Variants in SEMA3D observed in about 807,000 individuals in gnomAD.
SEMA3D encodes semaphorin 3D, also known as semaphorin-3D.
In SEMA3D, 84 loss-of-function variants were observed where a neutral mutation model predicts 100.1. That is an observed-to-expected ratio of 0.84 (90% CI 0.70 to 1.01). SEMA3D has a LOEUF of 1.01. SEMA3D is among the 50% of genes least tolerant of loss of function. The pLI, the probability that SEMA3D is intolerant of heterozygous loss-of-function variation, is 0.00. For missense variants in SEMA3D, 875 were observed against 934.1 expected (o/e 0.94, Z 0.82); for synonymous variants, 312 against 320.7 (o/e 0.97, Z 0.29).
At chr7:85,211,245 T>A in the SEMA3D span, among the ~76,000 whole-genome samples, 1 of 152,032 alleles carries the variant, frequency 6.6e-6, no homozygotes, top group Non-Finnish European at 1.5e-5. Flanking sequence ...TGAGACCCAA[T>A]TCTAAACATT....
chr7:85,079,511 A>C (rs1787993122), intron 5 of SEMA3D, among the ~76,000 whole-genome samples: 1 of 152,154 alleles, frequency 6.6e-6, no homozygotes, highest in Non-Finnish European at 1.5e-5. Context: ...CTATATACAG[A>C]ATCCTACATG....
the SEMA3D span, among the ~76,000 whole-genome samples, chr7:85,249,820 T>C: frequency 2.6e-5 from 4 of 152,148 alleles, no homozygotes; most frequent in Non-Finnish European, 5.9e-5. Flanking sequence ...TAGAAGTCTG[T>C]AGTAAGTTAT....
intron 3 of SEMA3D, among the ~76,000 whole-genome samples, chr7:85,103,522 GGTTAAACA>G (rs1788813718): frequency 6.6e-6 from 1 of 151,848 alleles, no homozygotes; most frequent in Non-Finnish European, 1.5e-5. Context: ...CTCTGTGCTT[GGTTAAACA>G]GCCCCACCCT....
chr7:85,065,639 A>G, intron 7 of SEMA3D, 87 bp from the exon 8 acceptor site: 1 of 969,964 alleles, frequency 1.0e-6, no homozygotes, highest in Non-Finnish European at 1.6e-6. Context: ...GCATGACACC[A>G]AAGATGTTTG....
At position 85,020,209 on chromosome 7, in the gene SEMA3D, C is replaced by T. The variant is rs773939434; in HGVS notation, c.1503+24G>A. 1.2e-5 allele frequency: 18 copies of T among 1,521,264 alleles called. No homozygotes were observed. In the East Asian group the frequency reaches 3.6e-4, roughly 31 times the overall value. 94.2% of individuals were successfully genotyped at this position (1,521,264 alleles called of 1,614,324 possible). A position where few individuals can be genotyped will look rare whatever the true frequency, so the allele number is the denominator to read the frequency against. On this transcript the variant is annotated intron_variant, in intron 14 of 18. Transcript: ENST00000284136. Reference sequence around the variant, plus strand: ...CTACTCAGTTTCAACATCTTTTCTCCTGGCACTCTGGACTGAGTCTTACCT... The same window carrying T: ...CTACTCAGTTTCAACATCTTTTCTCTTGGCACTCTGGACTGAGTCTTACCT...
intron 4 of SEMA3D, among the ~76,000 whole-genome samples, chr7:85,089,439 A>G (rs1314483126): frequency 3.0e-5 from 4 of 131,360 alleles, no homozygotes; most frequent in East Asian, 4.6e-4. Context: ...AATACTTCGC[A>G]ATAAGTGCTA....
intron 4 of SEMA3D, among the ~76,000 whole-genome samples, chr7:85,088,578 AAG>A (rs1788290627): frequency 1.3e-5 from 2 of 152,158 alleles, no homozygotes; most frequent in Admixed American, 1.3e-4. Context: ...GAACAACTAA[AAG>A]AGCAATGGTT....
At chr7:85,013,528 C>T (rs1184914457) in intron 16 of SEMA3D, among the ~76,000 whole-genome samples, 5 of 151,590 alleles carry the variant, frequency 3.3e-5, no homozygotes, top group Non-Finnish European at 5.9e-5. Flanking sequence ...AAAATCCCTG[C>T]TACATCTAAG....
intron 4 of SEMA3D, among the ~76,000 whole-genome samples, chr7:85,090,537 A>G (rs1004430359): frequency 4.6e-5 from 7 of 152,196 alleles, no homozygotes; most frequent in African/African-American, 7.2e-5. Context: ...TCAAGTATTA[A>G]ATAAGAATTA....
At chr7:85,103,393 G>A (rs951613811) in intron 3 of SEMA3D, among the ~76,000 whole-genome samples, 3 of 152,116 alleles carry the variant, frequency 2.0e-5, no homozygotes, top group Non-Finnish European at 2.9e-5. Context: ...TTGGGCATGC[G>A]ATTTTTGAGA....
rs564687208 is a variant in SEMA3D, at chr7:85,185,061, A to AAGAAGGAAAAGG, written c.-173+1605_-173+1616dup. ...TCCTCCTTGCTATCTGGCCTCAGAG[A>AAGAAGGAAAAGG]AGAAGGAAAAGGAGAAGGAAAAGGA... On this transcript the variant is annotated intron_variant, in intron 1 of 18. Transcript: ENST00000284136. Among the ~76,000 whole-genome samples the AAGAAGGAAAAGG allele has an allele frequency of 4.7e-3, 719 of 152,014 alleles. 5 individuals carry two copies. Among genetic ancestry groups the AAGAAGGAAAAGG allele is most frequent in the African/African-American group, 0.016 (652 of 41,402 alleles).
chr7:85,068,329 A>G, intron 6 of SEMA3D, 45 bp from the exon 7 acceptor site: 1 of 1,025,616 alleles, frequency 9.8e-7, no homozygotes. Flanking sequence ...TAAAAATATT[A>G]CAAACAGTAA....
intron 2 of SEMA3D, among the ~76,000 whole-genome samples, chr7:85,124,393 A>G (rs918728688): frequency 6.6e-6 from 1 of 152,094 alleles, no homozygotes; most frequent in African/African-American, 2.4e-5. Context: ...GTATTTGAAT[A>G]TATCTAACAT....
chr7:85,159,051 T>C (rs1184348524), intron 1 of SEMA3D, among the ~76,000 whole-genome samples: 1 of 152,172 alleles, frequency 6.6e-6, no homozygotes, highest in South Asian at 2.1e-4. Flanking sequence ...CAGCTACTGG[T>C]GGGACCCAAC....
intron 14 of SEMA3D, among the ~76,000 whole-genome samples, chr7:85,018,786 A>G (rs1159690536): frequency 6.6e-6 from 1 of 151,788 alleles, no homozygotes; most frequent in Non-Finnish European, 1.5e-5. Context: ...ACTGGTGCAC[A>G]TGATTTCACA....
intron 1 of SEMA3D, 68 bp from the exon 2 acceptor site, chr7:85,153,807 T>C (rs1392758892): frequency 1.3e-5 from 2 of 152,134 alleles, no homozygotes; most frequent in African/African-American, 4.8e-5. Context: ...ACCAGGAAAG[T>C]CAGATGTTTC....
At chr7:85,145,126 G>A (rs796653373) in intron 2 of SEMA3D, among the ~76,000 whole-genome samples, 3 of 152,180 alleles carry the variant, frequency 2.0e-5, no homozygotes, top group African/African-American at 7.2e-5. Context: ...TTTCTGGAAT[G>A]ATGCCATTCA....
intron 4 of SEMA3D, among the ~76,000 whole-genome samples, chr7:85,084,849 G>A (rs1788172062): frequency 6.6e-6 from 1 of 152,100 alleles, no homozygotes; most frequent in South Asian, 2.1e-4. Context: ...CTACTTATAA[G>A]TGATGAGAAC....
intron 18 of SEMA3D, among the ~76,000 whole-genome samples, chr7:85,001,167 C>T (rs557057075): frequency 2.4e-4 from 37 of 152,294 alleles, no homozygotes; most frequent in African/African-American, 7.9e-4. Context: ...AGAAGTGCAG[C>T]TGGCGGGGAA....
Sources: gnomAD v4.1 joint callset for allele counts (sites outside exome capture counted in the v4.1 genomes callset) on GRCh38, gnomAD v4.1.1 for gene constraint, MANE v1.5 for transcripts, NCBI Gene and HGNC (gene_info 2026-07-23, HGNC 2026-07-21) for gene names.